Variants in ME1 observed in about 807,000 individuals in gnomAD.
ME1 encodes NADP-dependent malic enzyme.
Under a neutral mutation model 66.4 loss-of-function variants are expected in ME1, and 74 were observed. The observed-to-expected ratio is 1.11, with a 90% CI of 0.92 to 1.35. The LOEUF (loss-of-function observed/expected upper bound fraction) is 1.35, where lower values mean the gene tolerates loss of function less well. ME1 is among the 40% of genes most tolerant of loss of function. The probability of loss-of-function intolerance (pLI) is 0.00; values close to 1 mark genes in which losing one functional copy is unlikely to be tolerated. For synonymous variants in ME1, 251 were observed against 235.6 expected, an observed-to-expected ratio of 1.07 and a Z score of -0.60; for missense variants, 750 against 694.1, an observed-to-expected ratio of 1.08 and a Z score of -0.90.
intron 3 of ME1, among the ~76,000 whole-genome samples, chr6:83,364,332 C>T (rs1769059381): frequency 6.6e-6 from 1 of 152,110 alleles, no homozygotes; most frequent in Non-Finnish European, 1.5e-5. Context: ...TTCTCCTCAG[C>T]CTGCAGACAG....
In ME1 at chr6:83,346,309, C is replaced by T. The variant is rs200396179; in HGVS notation, c.464G>A (p.Arg155His). 1.3e-5 allele frequency: 21 copies of T among 1,609,850 alleles called. 1 individual carries two copies. Among genetic ancestry groups the T allele is most frequent in the South Asian group, 6.6e-5 (6 of 90,356 alleles). ...GCCAAGGTCTCCCAAGCCAAGAATA[C>T]GCTCTCCATCAGTCACCACAATGGC... Reference protein sequence around the residue: ...IKAIVVTDGERILGLGDLGCN... With the variant: ...IKAIVVTDGEHILGLGDLGCN... Residue 155 changes from arginine to histidine, a missense_variant, in exon 5 of 14, where the codon CGT (arginine) becomes CAT (histidine). Arg to His is a conservative substitution (Grantham distance 29). Transcript: ENST00000369705.
At chr6:83,298,094 G>A (rs1767636295) in intron 6 of ME1, among the ~76,000 whole-genome samples, 1 of 152,146 alleles carries the variant, frequency 6.6e-6, no homozygotes, top group African/African-American at 2.4e-5. Flanking sequence ...GGGATTGTTG[G>A]GTCAAATGGT....
At chr6:83,270,769 C>G (rs994738775) in intron 6 of ME1, among the ~76,000 whole-genome samples, 3 of 152,022 alleles carry the variant, frequency 2.0e-5, no homozygotes, top group Non-Finnish European at 2.9e-5. Flanking sequence ...AATACCTTTT[C>G]ACAGTCCACA....
intron 6 of ME1, among the ~76,000 whole-genome samples, chr6:83,266,680 G>A (rs1464151555): frequency 6.6e-6 from 1 of 152,122 alleles, no homozygotes; most frequent in Non-Finnish European, 1.5e-5. Context: ...CAGTGGTATT[G>A]AAGATATTTA....
chr6:83,378,062 C>T (rs922213198), intron 3 of ME1, among the ~76,000 whole-genome samples: 2 of 151,998 alleles, frequency 1.3e-5, no homozygotes, highest in Non-Finnish European at 2.9e-5. Flanking sequence ...AAGTGTGAGA[C>T]TCTGCTAAAG....
intron 7 of ME1, among the ~76,000 whole-genome samples, chr6:83,242,367 A>G (rs572548723): frequency 6.6e-6 from 1 of 152,298 alleles, no homozygotes; most frequent in African/African-American, 2.4e-5. Flanking sequence ...AAATTACCAT[A>G]TATATTTTAG....
At chr6:83,316,854 A>G (rs1196223381) in intron 5 of ME1, among the ~76,000 whole-genome samples, 1 of 152,114 alleles carries the variant, frequency 6.6e-6, no homozygotes. Flanking sequence ...TCATAAGGAC[A>G]TATTTAAGAA....
At chr6:83,424,397 A>C (rs1030979612) in intron 1 of ME1, among the ~76,000 whole-genome samples, 29 of 152,186 alleles carry the variant, frequency 1.9e-4, no homozygotes, top group Non-Finnish European at 3.1e-4. Context: ...TGGAATAATA[A>C]AAATATTTAA....
chr6:83,346,700 A>C (rs1464809255), intron 4 of ME1, among the ~76,000 whole-genome samples: 1 of 152,174 alleles, frequency 6.6e-6, no homozygotes, highest in African/African-American at 2.4e-5. Context: ...TCCTTAGTAA[A>C]GTACTGCATA....
intron 5 of ME1, among the ~76,000 whole-genome samples, chr6:83,331,237 A>G (rs1353805088): frequency 7.9e-5 from 12 of 152,120 alleles, no homozygotes; most frequent in African/African-American, 2.9e-4. Flanking sequence ...TTAAAGAAGT[A>G]ATTAAGTTGA....
Position 83,258,036 on chromosome 6 carries a change from G to A in ME1, c.705-4298C>T, listed in dbSNP as rs147810516. 2.2e-3 allele frequency among the ~76,000 whole-genome samples: 337 copies of A among 152,162 alleles called. 10 individuals carry two copies. In the East Asian group the frequency reaches 0.036, roughly 16 times the overall value. ...TACTTACTTGGTTCTGCGGTTTTGC[G>A]CTTGTTAGAATTTCTCTGTGGTTAA... is the stretch of plus-strand genomic sequence containing the variant. On this transcript the variant is annotated intron_variant, in intron 6 of 13. Transcript: ENST00000369705.
At chr6:83,404,825 G>A (rs1261457087) in intron 2 of ME1, among the ~76,000 whole-genome samples, 1 of 152,106 alleles carries the variant, frequency 6.6e-6, no homozygotes, top group Non-Finnish European at 1.5e-5. Context: ...GTAGATGTGT[G>A]GTGTTATTTC....
chr6:83,397,445 AGAACG>A (rs1240986029), intron 3 of ME1, among the ~76,000 whole-genome samples: 1 of 152,232 alleles, frequency 6.6e-6, no homozygotes, highest in Non-Finnish European at 1.5e-5. Context: ...CACACTTGTT[AGAACG>A]GCTATACCAA....
intron 3 of ME1, among the ~76,000 whole-genome samples, chr6:83,361,525 C>T (rs1388217872): frequency 6.6e-6 from 1 of 152,234 alleles, no homozygotes; most frequent in Non-Finnish European, 1.5e-5. Flanking sequence ...TATGACCCAG[C>T]AGACCCAATG....
At chr6:83,246,234 T>C (rs1211246747) in intron 7 of ME1, among the ~76,000 whole-genome samples, 1 of 152,188 alleles carries the variant, frequency 6.6e-6, no homozygotes, top group Non-Finnish European at 1.5e-5. Context: ...GTATTTTTGA[T>C]ATTATGGCTC....
intron 7 of ME1, among the ~76,000 whole-genome samples, chr6:83,246,206 T>C (rs899171230): frequency 6.0e-4 from 91 of 152,290 alleles, no homozygotes; most frequent in African/African-American, 2.0e-3. Flanking sequence ...ATCTTGCTAA[T>C]GAAAGATTAT....
chr6:83,396,782 A>G (rs1769740070), intron 3 of ME1, among the ~76,000 whole-genome samples: 1 of 152,162 alleles, frequency 6.6e-6, no homozygotes, highest in Non-Finnish European at 1.5e-5. Flanking sequence ...AAACACAGAG[A>G]CCAAAGAAAG....
chr6:83,326,220 C>A (rs1768288206), intron 5 of ME1, among the ~76,000 whole-genome samples: 1 of 152,092 alleles, frequency 6.6e-6, no homozygotes, highest in South Asian at 2.1e-4. Flanking sequence ...CCTTTCCTTA[C>A]AACTTATACA....
intron 12 of ME1, among the ~76,000 whole-genome samples, chr6:83,219,501 T>C (rs942646043): frequency 2.6e-5 from 4 of 152,192 alleles, no homozygotes; most frequent in African/African-American, 7.2e-5. Context: ...TCCTAATTCA[T>C]AAGGATTGAA....
Sources: allele counts gnomAD v4.1 joint callset (sites outside exome capture counted in the v4.1 genomes callset), GRCh38; gene constraint gnomAD v4.1.1; transcripts MANE v1.5; gene names NCBI Gene and HGNC (gene_info 2026-07-23, HGNC 2026-07-21).